The following DNA2 variants were observed in gnomAD, a reference collection of about 807,000 sequenced individuals.
DNA2 encodes the protein DNA replication ATP-dependent helicase/nuclease DNA2.
Under a neutral mutation model 119.1 loss-of-function variants are expected in DNA2, and 101 were observed. The observed-to-expected ratio is 0.85, with a 90% CI of 0.72 to 1.00. The LOEUF is 1.00. Ranked by LOEUF, DNA2 falls within the 50% of genes least tolerant of loss-of-function variation. DNA2 has a pLI of 0.00. For missense variants in DNA2, 1,121 were observed against 1,255.5 expected (o/e 0.89, Z 1.62); for synonymous variants, 366 against 424.4 (o/e 0.86, Z 1.69).
chr10:68,463,081 G>C lies in DNA2; in HGVS notation c.587+2586C>G, dbSNP rs183084363. 1.0e-3 allele frequency among the ~76,000 whole-genome samples: 154 copies of C among 151,822 alleles called. 1 individual carries two copies. The highest frequency in any genetic ancestry group is 3.3e-3 in the African/African-American group (137 of 41,364). ...TGGGAGACAGAGGTTGCAATGAGCC[G>C]AGATCACGGTGCTGTACTCCAGCCT... On this transcript the variant is annotated intron_variant, in intron 4 of 20. Transcript: ENST00000358410.
At chr10:68,442,810 G>T in intron 9 of DNA2, 107 bp downstream of exon 9, 1 of 931,416 alleles carries the variant, frequency 1.1e-6, no homozygotes, top group Non-Finnish European at 1.6e-6. Flanking sequence ...ATGAAATCAC[G>T]TTATCTATAA....
At chr10:68,445,400 T>C (rs1471332081) in intron 7 of DNA2, among the ~76,000 whole-genome samples, 1 of 151,404 alleles carries the variant, frequency 6.6e-6, no homozygotes, top group African/African-American at 2.4e-5. Flanking sequence ...GAGGCGGAGA[T>C]TGCAGGGAGC....
intron 17 of DNA2, 151 bp downstream of exon 17, chr10:68,422,074 A>C: frequency 1.7e-6 from 1 of 584,190 alleles, no homozygotes; most frequent in Non-Finnish European, 2.8e-6. Flanking sequence ...TGGCCTCGCA[A>C]AGTGCTGGGA....
Position 68,422,405 on chromosome 10 carries a change from C to T in DNA2, c.2517G>A (p.Lys839=). 1.2e-6 allele frequency: 2 copies of T among 1,613,688 alleles called. No individual in the cohort carries two copies. Among genetic ancestry groups the T allele is most frequent in the Non-Finnish European group, 1.7e-6 (2 of 1,179,786 alleles). Reference sequence around the variant, plus strand: ...ACTCCAGCTTGCCCTCATAGGTCAGCTTATTACTTAAGGACATAATTTTAC... The same window carrying T: ...ACTCCAGCTTGCCCTCATAGGTCAGTTTATTACTTAAGGACATAATTTTAC... ...MNSKIMSLSN[K]LTYEGKLECG... The change falls in exon 17 of 21, where the codon AAG becomes AAA. Residue 839 remains lysine (K), a synonymous_variant. Transcript: ENST00000358410.
At chr10:68,434,330 T>C (rs1413525066) in intron 10 of DNA2, among the ~76,000 whole-genome samples, 1 of 151,592 alleles carries the variant, frequency 6.6e-6, no homozygotes, top group African/African-American at 2.4e-5. Flanking sequence ...CTCCTCTGTG[T>C]TCCTATCAAT....
At chr10:68,467,307 C>T (rs79713659) in intron 3 of DNA2, among the ~76,000 whole-genome samples, 25,736 of 151,942 alleles carry the variant, frequency 0.17, 2,554 homozygotes, top group African/African-American at 0.28. Context: ...GACTGGTTTT[C>T]ATCATGTTGG....
intron 5 of DNA2, among the ~76,000 whole-genome samples, chr10:68,458,829 G>A (rs896286198): frequency 5.3e-5 from 8 of 151,710 alleles, no homozygotes; most frequent in Non-Finnish European, 7.4e-5. Context: ...CAGCCTGTGC[G>A]ACAGAGCAAA....
chr10:68,470,059 CCCTCTTTG>C lies in DNA2; in HGVS notation c.171_178del (p.Asn57LysfsTer4). ...GATGACCAGGCGCTTTTCACAGTTT[CCCTCTTTG>C]TTCTGTACAGTATTGACTGCCAACA... On this transcript the variant is annotated frameshift_variant, in exon 2 of 21. Coordinates refer to ENST00000358410, the MANE Select transcript of DNA2 (RefSeq NM_001080449.3). LOFTEE classifies it high-confidence loss of function. 1 of 1,613,826 alleles carries C rather than the reference CCCTCTTTG, an allele frequency of 6.2e-7. No individual in the cohort carries two copies. Among genetic ancestry groups the C allele is most frequent in the East Asian group, 2.2e-5 (1 of 44,874 alleles).
At chr10:68,455,955 C>T (rs1476086032) in intron 5 of DNA2, among the ~76,000 whole-genome samples, 1 of 151,932 alleles carries the variant, frequency 6.6e-6, no homozygotes, top group East Asian at 1.9e-4. Flanking sequence ...TGGTGGCTCA[C>T]GCCTGTAACC....
At chr10:68,444,395 T>A (rs148236191) in intron 8 of DNA2, among the ~76,000 whole-genome samples, 5,183 of 148,250 alleles carry the variant, frequency 0.035, 261 homozygotes, top group African/African-American at 0.12. Context: ...CTCAAAAAAA[T>A]AAATAAATAA....
chr10:68,438,148 T>C (rs2051916773), intron 9 of DNA2, among the ~76,000 whole-genome samples: 1 of 152,168 alleles, frequency 6.6e-6, no homozygotes, highest in Admixed American at 6.6e-5. Context: ...GAGGGGTAGA[T>C]ACCCCCACTT....
In DNA2 at chr10:68,432,221, C is replaced by A; in HGVS notation, c.1858G>T (p.Ala620Ser). 1 of 1,587,264 alleles carries A rather than the reference C, an allele frequency of 6.3e-7. No individual in the cohort carries two copies. Among genetic ancestry groups the A allele is most frequent in the Non-Finnish European group, 8.6e-7 (1 of 1,167,394 alleles). Residue 620 changes from alanine to serine, a missense_variant, in exon 12 of 21, where the codon GCC becomes TCC. Coordinates refer to ENST00000358410, the MANE Select transcript of DNA2 (RefSeq NM_001080449.3). ...VLPHDAKDTV[A>S]CILKGLNKPQ... The stretch of plus-strand genomic sequence containing the variant: ...TTTAGCATACCCTTTAGAATGCAGG[C>A]AACTGTATCCTTTGCATCATGTGGA...
intron 14 of DNA2, 22 bp from the exon 15 acceptor site, chr10:68,422,912 C>A: frequency 6.7e-7 from 1 of 1,495,722 alleles, no homozygotes; most frequent in South Asian, 1.3e-5. Flanking sequence ...GAAAACAGAT[C>A]AGTTATTTAA....
chr10:68,423,258 G>A (rs548943641), intron 14 of DNA2, among the ~76,000 whole-genome samples: 19 of 149,450 alleles, frequency 1.3e-4, no homozygotes, highest in Non-Finnish European at 1.8e-4. Flanking sequence ...TTCCACAAAC[G>A]ACAACTAAAA....
intron 6 of DNA2, among the ~76,000 whole-genome samples, chr10:68,446,696 G>A (rs1027898000): frequency 6.6e-6 from 1 of 152,124 alleles, no homozygotes; most frequent in Non-Finnish European, 1.5e-5. Flanking sequence ...GGGCAATATA[G>A]TGAGACCAAG....
chr10:68,439,773 G>A (rs980988293), intron 9 of DNA2, among the ~76,000 whole-genome samples: 3 of 151,798 alleles, frequency 2.0e-5, no homozygotes, highest in Admixed American at 6.6e-5. Flanking sequence ...AGGAAGAGGA[G>A]GTTTCAGTGA....
rs1022722019 is a variant in DNA2, at chr10:68,471,775, C to G, written c.74+16G>C. 1.9e-6 allele frequency: 3 copies of G among 1,586,688 alleles called. No individual in the cohort carries two copies. The highest frequency in any genetic ancestry group is 8.6e-7 in the Non-Finnish European group (1 of 1,167,374). On this transcript the variant is annotated intron_variant, in intron 1 of 20. Coordinates refer to ENST00000358410, the MANE Select transcript of DNA2 (RefSeq NM_001080449.3). ...TCTCCCGCTTTGTTCCCACACCCTC[C>G]CCCCTCTCCGCTCACAGCTCCGCCG... is the stretch of plus-strand genomic sequence containing the variant.
Position 68,471,929 on chromosome 10 carries a change from C to T in DNA2, c.-65G>A. On this transcript the variant is annotated 5_prime_UTR_variant, in exon 1 of 21. Transcript: ENST00000358410. ...GCGGAACCGGGGGTAACACAGAAAG[C>T]TTAGAAAAGGGAAAAAGGCGCGAGC... The T allele has an allele frequency of 6.2e-7, 1 of 1,613,702 alleles. No homozygotes were observed.
At chr10:68,471,054 T>A (rs1277065851) in intron 1 of DNA2, among the ~76,000 whole-genome samples, 1 of 152,194 alleles carries the variant, frequency 6.6e-6, no homozygotes, top group East Asian at 1.9e-4. Context: ...CTTCTCCTAT[T>A]AAGTACCTCT....
Sources: allele counts gnomAD v4.1 joint callset (sites outside exome capture counted in the v4.1 genomes callset), GRCh38; gene constraint gnomAD v4.1.1; transcripts MANE v1.5; gene names NCBI Gene and HGNC (gene_info 2026-07-23, HGNC 2026-07-21).